The following SLC9A9 variants were observed in gnomAD, a reference collection of about 807,000 sequenced individuals.
SLC9A9 encodes sodium/hydrogen exchanger 9.
A neutral mutation model predicts 77.8 loss-of-function variants in SLC9A9; 62 were observed. The ratio of observed to expected loss-of-function variants is 0.80; its 90% CI spans 0.65 to 0.98. SLC9A9 has a LOEUF of 0.98. Among genes scored for constraint, SLC9A9 ranks in the 50% least tolerant of loss-of-function variants. The probability of loss-of-function intolerance (pLI) is 0.00; values close to 1 mark genes in which losing one functional copy is unlikely to be tolerated. For synonymous variants in SLC9A9, 320 were observed against 283.5 expected (o/e 1.13, Z -1.29); for missense variants, 775 against 774.9 (o/e 1.00, Z 0.00).
At chr3:143,644,277 T>C (rs920481925) in intron 6 of SLC9A9, among the ~76,000 whole-genome samples, 2 of 152,192 alleles carry the variant, frequency 1.3e-5, no homozygotes, top group African/African-American at 4.8e-5. Flanking sequence ...ACATTGGAAC[T>C]GAGATAAGAA....
At chr3:143,726,409 A>T (rs1205491705) in intron 4 of SLC9A9, among the ~76,000 whole-genome samples, 3 of 152,190 alleles carry the variant, frequency 2.0e-5, no homozygotes, top group African/African-American at 7.2e-5. Context: ...GTTTGTTGGA[A>T]TGCCTCTAAC....
intron 4 of SLC9A9, among the ~76,000 whole-genome samples, chr3:143,783,899 AC>A (rs1258684266): frequency 4.6e-5 from 7 of 152,232 alleles, no homozygotes; most frequent in African/African-American, 1.7e-4. Context: ...CCTCTCTTCA[AC>A]TGTTTTAGAA....
chr3:143,404,483 T>TTTAAACA (rs1479204547), intron 12 of SLC9A9, among the ~76,000 whole-genome samples: 1 of 152,224 alleles, frequency 6.6e-6, no homozygotes, highest in African/African-American at 2.4e-5. Flanking sequence ...ATGGCTTTTG[T>TTTAAACA]TAGTTCTTTA....
intron 11 of SLC9A9, among the ~76,000 whole-genome samples, chr3:143,481,370 G>T (rs2108580974): frequency 6.6e-6 from 1 of 152,194 alleles, no homozygotes; most frequent in East Asian, 1.9e-4. Flanking sequence ...GAGTGAGGGT[G>T]GGTGGATGTG....
rs138221645 is a variant in SLC9A9 at position 143,346,093 on chromosome 3, G to A, written c.1604+17391C>T. Among the ~76,000 whole-genome samples, 493 of 152,112 alleles carry A rather than the reference G, an allele frequency of 3.2e-3. 3 individuals carry two copies. Among genetic ancestry groups the A allele is most frequent in the African/African-American group, 0.011 (465 of 41,500 alleles). On this transcript the variant is annotated intron_variant, in intron 14 of 15. Coordinates refer to ENST00000316549, the MANE Select transcript of SLC9A9 (RefSeq NM_173653.4). ...AACAATTCCCTCTTCCCTAGACTTC[G>A]TAGGAGGGCCCAAGCACAGACAAAC...
At chr3:143,279,356 T>C (rs758468789) in intron 14 of SLC9A9, among the ~76,000 whole-genome samples, 1 of 152,230 alleles carries the variant, frequency 6.6e-6, no homozygotes, top group African/African-American at 2.4e-5. Flanking sequence ...GAATGACCCA[T>C]GTTTCCACAC....
chr3:143,807,737 T>C (rs2008760929), intron 2 of SLC9A9, among the ~76,000 whole-genome samples: 2 of 151,844 alleles, frequency 1.3e-5, no homozygotes, highest in Admixed American at 6.6e-5. Flanking sequence ...AGAATGAGAC[T>C]CTGTCTTTAA....
intron 6 of SLC9A9, among the ~76,000 whole-genome samples, chr3:143,588,212 T>C (rs1015466025): frequency 1.3e-5 from 2 of 152,198 alleles, no homozygotes; most frequent in African/African-American, 2.4e-5. Context: ...TAGAGAGTTA[T>C]AATGTGGCCT....
At chr3:143,305,035 A>T (rs2030715755) in intron 14 of SLC9A9, among the ~76,000 whole-genome samples, 1 of 152,172 alleles carries the variant, frequency 6.6e-6, no homozygotes. Context: ...CAACATTATT[A>T]TTAATTTCTG....
At chr3:143,800,956 C>T (rs895351609) in intron 2 of SLC9A9, among the ~76,000 whole-genome samples, 4 of 152,206 alleles carry the variant, frequency 2.6e-5, no homozygotes, top group African/African-American at 9.7e-5. Flanking sequence ...AACCCCAACA[C>T]CTTCTACAAA....
intron 14 of SLC9A9, among the ~76,000 whole-genome samples, chr3:143,297,764 GAAATT>G (rs1243432449): frequency 6.6e-6 from 1 of 152,106 alleles, no homozygotes. Flanking sequence ...CATTATAAAT[GAAATT>G]AATTTTCTTT....
At chr3:143,451,670 T>A (rs1530215) in intron 12 of SLC9A9, among the ~76,000 whole-genome samples, 72,824 of 151,908 alleles carry the variant, frequency 0.48, 18,001 homozygotes, top group African/African-American at 0.59. Flanking sequence ...TGCTTAATGC[T>A]TACAAAAAGG....
intron 13 of SLC9A9, among the ~76,000 whole-genome samples, chr3:143,375,503 C>T (rs1307450908): frequency 6.6e-6 from 1 of 152,222 alleles, no homozygotes; most frequent in African/African-American, 2.4e-5. Context: ...TGCCCTCTGT[C>T]ATGGCCAGGA....
intron 9 of SLC9A9, among the ~76,000 whole-genome samples, chr3:143,514,490 T>C (rs1311990056): frequency 6.6e-6 from 1 of 152,266 alleles, no homozygotes; most frequent in African/African-American, 2.4e-5. Flanking sequence ...ATGAAAGTCC[T>C]ACATGGCATT....
chr3:143,741,730 T>C (rs960121985), intron 4 of SLC9A9, among the ~76,000 whole-genome samples: 1 of 152,154 alleles, frequency 6.6e-6, no homozygotes, highest in African/African-American at 2.4e-5. Context: ...TATGATGTGA[T>C]GAAAATGGCA....
rs146346300 is a variant in SLC9A9, at chr3:143,545,509, C to G, written c.1089+6853G>C. Among the ~76,000 whole-genome samples the G allele has an allele frequency of 4.1e-4, 62 of 152,348 alleles. 1 individual carries two copies. Among genetic ancestry groups the G allele is most frequent in the African/African-American group, 1.4e-3 (60 of 41,578 alleles). On this transcript the variant is annotated intron_variant, in intron 9 of 15. Coordinates refer to ENST00000316549, the MANE Select transcript of SLC9A9 (RefSeq NM_173653.4). ...CCCTGGCTTCCAGCATGGTGCCAACCATGCAACTACTGTAGTTCTTAGAAC... is the reference window on the plus strand; with the variant it reads ...CCCTGGCTTCCAGCATGGTGCCAACGATGCAACTACTGTAGTTCTTAGAAC...
intron 2 of SLC9A9, among the ~76,000 whole-genome samples, chr3:143,831,081 T>C (rs147204453): frequency 3.9e-5 from 6 of 152,174 alleles, no homozygotes; most frequent in African/African-American, 1.2e-4. Context: ...GCAGACCAAG[T>C]ACCTCCCCTT....
intron 14 of SLC9A9, among the ~76,000 whole-genome samples, chr3:143,323,268 C>G (rs756896574): frequency 6.6e-6 from 1 of 152,140 alleles, no homozygotes; most frequent in Non-Finnish European, 1.5e-5. Flanking sequence ...CAGAAGAATA[C>G]CTGTTTATTG....
intron 5 of SLC9A9, among the ~76,000 whole-genome samples, chr3:143,682,384 C>G (rs1471527839): frequency 6.6e-6 from 1 of 152,090 alleles, no homozygotes; most frequent in Non-Finnish European, 1.5e-5. Context: ...GCTCTTTCCA[C>G]AAAAGTATCC....
Sources: gnomAD v4.1 joint callset for allele counts (sites outside exome capture counted in the v4.1 genomes callset) on GRCh38, gnomAD v4.1.1 for gene constraint, MANE v1.5 for transcripts, NCBI Gene and HGNC (gene_info 2026-07-23, HGNC 2026-07-21) for gene names.